Variants in SPOCK1 observed in about 807,000 individuals in gnomAD.
SPOCK1 encodes the protein SPARC (osteonectin), cwcv and kazal like domains proteoglycan 1, also known as testican-1.
Under a neutral mutation model 55.3 loss-of-function variants are expected in SPOCK1, and 23 were observed. That is an observed-to-expected ratio of 0.42 (90% CI 0.30 to 0.59). SPOCK1 has a LOEUF of 0.59. SPOCK1 is among the 20% of genes least tolerant of loss of function. The probability of loss-of-function intolerance (pLI) is 0.22; values close to 1 mark genes in which losing one functional copy is unlikely to be tolerated. For missense variants in SPOCK1, 499 were observed against 552.5 expected, an observed-to-expected ratio of 0.90 and a Z score of 0.97; for synonymous variants, 226 against 221.0, an observed-to-expected ratio of 1.02 and a Z score of -0.20.
intron 10 of SPOCK1, 25 bp downstream of exon 10, chr5:136,979,307 G>A (rs368336446): frequency 5.6e-6 from 9 of 1,613,438 alleles, no homozygotes; most frequent in Admixed American, 3.3e-5. Flanking sequence ...GTCATTGTGG[G>A]GCTCATGCAG....
At chr5:137,456,081 C>A (rs530139302) in intron 2 of SPOCK1, among the ~76,000 whole-genome samples, 18 of 152,052 alleles carry the variant, frequency 1.2e-4, no homozygotes, top group African/African-American at 3.9e-4. Flanking sequence ...GAAGAAAAAG[C>A]AGGAGGAGGA....
At chr5:136,993,630 G>T (rs1353893884) in intron 6 of SPOCK1, among the ~76,000 whole-genome samples, 1 of 152,190 alleles carries the variant, frequency 6.6e-6, no homozygotes, top group Non-Finnish European at 1.5e-5. Context: ...ATATTCTAAA[G>T]CTACAGGAGC....
chr5:137,431,251 CCAAA>C, intron 2 of SPOCK1, among the ~76,000 whole-genome samples: 1 of 152,284 alleles, frequency 6.6e-6, no homozygotes. Flanking sequence ...TTACCTACAG[CCAAA>C]CAGTCTTGGA....
chr5:137,133,366 T>C (rs1165251513), intron 4 of SPOCK1, among the ~76,000 whole-genome samples: 1 of 128,602 alleles, frequency 7.8e-6, no homozygotes, highest in Non-Finnish European at 1.7e-5. Flanking sequence ...TGAGACTCCA[T>C]CTCAAAAAAA....
chr5:137,141,742 C>T (rs563517429), intron 3 of SPOCK1, among the ~76,000 whole-genome samples: 10 of 152,158 alleles, frequency 6.6e-5, no homozygotes, highest in African/African-American at 1.2e-4. Flanking sequence ...CAGAGTGAAC[C>T]GGCACAGAGA....
At chr5:137,418,364 C>G (rs1288552815) in intron 2 of SPOCK1, among the ~76,000 whole-genome samples, 1 of 152,092 alleles carries the variant, frequency 6.6e-6, no homozygotes, top group African/African-American at 2.4e-5. Flanking sequence ...GTTCTAGATC[C>G]CTGAGGAATC....
At chr5:137,084,826 T>C (rs534077890) in intron 5 of SPOCK1, among the ~76,000 whole-genome samples, 1 of 152,094 alleles carries the variant, frequency 6.6e-6, no homozygotes, top group Non-Finnish European at 1.5e-5. Context: ...CCTTTACCTT[T>C]CCATGCCAAC....
chr5:137,032,209 T>C (rs1445101270), intron 6 of SPOCK1, among the ~76,000 whole-genome samples: 1 of 151,786 alleles, frequency 6.6e-6, no homozygotes, highest in African/African-American at 2.4e-5. Context: ...TCACTGGGAG[T>C]ACCAATGAGA....
In SPOCK1 at chr5:137,220,696, G is replaced by A. The variant is rs112455830; in HGVS notation, c.232+46314C>T. On this transcript the variant is annotated intron_variant, in intron 3 of 10. Transcript: ENST00000394945. ...GGACTGAGTCACAGTCATCTGTTTC[G>A]TCAGCACCTTAGATAGGAATCACTG... is the stretch of plus-strand genomic sequence containing the variant. Among the ~76,000 whole-genome samples, 818 of 152,210 alleles carry A rather than the reference G, an allele frequency of 5.4e-3. 5 individuals are homozygous for A. The highest frequency in any genetic ancestry group is 6.7e-3 in the Non-Finnish European group (458 of 68,014).
intron 2 of SPOCK1, among the ~76,000 whole-genome samples, chr5:137,426,780 C>G (rs968074060): frequency 2.6e-5 from 4 of 152,142 alleles, no homozygotes; most frequent in African/African-American, 9.7e-5. Context: ...GAATCCTTCC[C>G]AGTCTGGCAC....
intron 2 of SPOCK1, among the ~76,000 whole-genome samples, chr5:137,490,575 A>G (rs4246797): frequency 1 from 152,097 of 152,316 alleles, 75,939 homozygotes; most frequent in Middle Eastern, 1. Context: ...GACAAGATGA[A>G]GTTTCTACCT....
chr5:137,150,132 T>C (rs1754291038), intron 3 of SPOCK1, among the ~76,000 whole-genome samples: 1 of 152,162 alleles, frequency 6.6e-6, no homozygotes, highest in Admixed American at 6.5e-5. Flanking sequence ...GAGCCATAAT[T>C]CTGTTCAGTC....
At chr5:137,155,711 C>T (rs1160235252) in intron 3 of SPOCK1, among the ~76,000 whole-genome samples, 1 of 152,222 alleles carries the variant, frequency 6.6e-6, no homozygotes, top group African/African-American at 2.4e-5. Context: ...GTAATTCAAA[C>T]AGTATCCATT....
chr5:137,078,783 A>C (rs1280931367), intron 5 of SPOCK1, among the ~76,000 whole-genome samples: 1 of 152,128 alleles, frequency 6.6e-6, no homozygotes, highest in Admixed American at 6.5e-5. Flanking sequence ...CAAAGCCCAC[A>C]TTCATTCTCT....
At chr5:137,299,260 A>G (rs576826571) in intron 2 of SPOCK1, among the ~76,000 whole-genome samples, 2 of 152,132 alleles carry the variant, frequency 1.3e-5, no homozygotes, top group African/African-American at 4.8e-5. Context: ...CCCTCCCCAC[A>G]TCCTGTTCCT....
chr5:137,473,323 C>T (rs1753774526), intron 2 of SPOCK1, among the ~76,000 whole-genome samples: 1 of 152,130 alleles, frequency 6.6e-6, no homozygotes, highest in Admixed American at 6.5e-5. Flanking sequence ...TAAGCTGTTT[C>T]CATGTATTGT....
chr5:137,036,531 T>C (rs535898144), intron 6 of SPOCK1, among the ~76,000 whole-genome samples: 1 of 152,352 alleles, frequency 6.6e-6, no homozygotes, highest in East Asian at 1.9e-4. Flanking sequence ...AGGGATGGCA[T>C]GTCCAGCACT....
At chr5:137,394,982 G>A (rs1443832768) in intron 2 of SPOCK1, among the ~76,000 whole-genome samples, 1 of 152,224 alleles carries the variant, frequency 6.6e-6, no homozygotes, top group Non-Finnish European at 1.5e-5. Context: ...GCAAAGCTGA[G>A]GTCCAGCAAG....
intron 3 of SPOCK1, among the ~76,000 whole-genome samples, chr5:137,216,615 G>A (rs534747678): frequency 2.1e-3 from 327 of 152,282 alleles, no homozygotes; most frequent in Non-Finnish European, 3.6e-3. Flanking sequence ...GGAGCCTGAG[G>A]TAGGGGAATC....
Sources: gnomAD v4.1 joint callset for allele counts (sites outside exome capture counted in the v4.1 genomes callset) on GRCh38, gnomAD v4.1.1 for gene constraint, MANE v1.5 for transcripts, NCBI Gene and HGNC (gene_info 2026-07-23, HGNC 2026-07-21) for gene names.